TPP2: variants seen among roughly 807,000 people sequenced by gnomAD.
TPP2 encodes the protein tripeptidyl-peptidase 2.
TPP2 carries 34 observed loss-of-function variants against 155.9 expected under a neutral mutation model. The observed-to-expected ratio is 0.22, with a 90% CI of 0.17 to 0.29. The LOEUF is 0.29. Among genes scored for constraint, TPP2 ranks in the 10% least tolerant of loss-of-function variants. The pLI, the probability that TPP2 is intolerant of heterozygous loss-of-function variation, is 1.00. For missense variants in TPP2, 1,028 were observed against 1,522.3 expected (o/e 0.68, Z 5.40); for synonymous variants, 510 against 529.4 (o/e 0.96, Z 0.50).
intron 28 of TPP2, among the ~76,000 whole-genome samples, chr13:102,675,471 A>G (rs1200458373): frequency 6.6e-6 from 1 of 152,226 alleles, no homozygotes; most frequent in Non-Finnish European, 1.5e-5. Flanking sequence ...GCTGTGATGA[A>G]TGAGTATTAA....
At chr13:102,613,086 T>G (rs1299315569) in intron 2 of TPP2, among the ~76,000 whole-genome samples, 1 of 152,220 alleles carries the variant, frequency 6.6e-6, no homozygotes, top group Admixed American at 6.5e-5. Context: ...AGGTTCAGTT[T>G]TGAGTGAAAA....
chr13:102,675,129 C>T (rs576328719), intron 28 of TPP2, among the ~76,000 whole-genome samples: 2 of 152,272 alleles, frequency 1.3e-5, no homozygotes, highest in Admixed American at 1.3e-4. Context: ...ATTCCCCTCG[C>T]GTATCACAGA....
rs1595235149 is a variant in TPP2 at position 102,678,727 on chromosome 13, A to T, written c.*411A>T. On this transcript the variant is annotated 3_prime_UTR_variant, in exon 30 of 30. Coordinates refer to ENST00000376052, the MANE Select transcript of TPP2 (RefSeq NM_001330588.2). ...TTTTCAATTGTATGAAGGCCTTAAA[A>T]AAGCTACATTAAGCGTAGCTAAAAT... is the stretch of plus-strand genomic sequence containing the variant. The T allele has an allele frequency of 6.5e-6, 1 of 153,252 alleles. No individual in the cohort carries two copies. The highest frequency in any genetic ancestry group is 2.4e-5 in the African/African-American group (1 of 41,458). 9.5% of individuals were successfully genotyped at this position (153,252 alleles called of 1,614,324 possible).
intron 14 of TPP2, 30 bp from the exon 15 acceptor site, chr13:102,638,209 A>G (rs1324708926): frequency 6.3e-7 from 1 of 1,592,870 alleles, no homozygotes; most frequent in Non-Finnish European, 8.6e-7. Context: ...TTGTTTATGG[A>G]TATTGACACT....
chr13:102,668,589 G>A (rs1285959705), intron 27 of TPP2, among the ~76,000 whole-genome samples: 1 of 152,156 alleles, frequency 6.6e-6, no homozygotes, highest in Non-Finnish European at 1.5e-5. Context: ...CCCACTGAGG[G>A]TATGTTACCC....
At chr13:102,659,530 A>G (rs574400828) in intron 25 of TPP2, among the ~76,000 whole-genome samples, 2 of 152,352 alleles carry the variant, frequency 1.3e-5, no homozygotes, top group South Asian at 4.1e-4. Context: ...TTCTGAGCAG[A>G]AACAGTAGAG....
chr13:102,646,503 T>G, intron 20 of TPP2, 113 bp downstream of exon 20: 1 of 644,270 alleles, frequency 1.6e-6, no homozygotes, highest in Non-Finnish European at 2.4e-6. Flanking sequence ...AAAAACAGAA[T>G]CAAGTGATTA....
At chr13:102,620,199 G>A (rs1417853704) in intron 5 of TPP2, among the ~76,000 whole-genome samples, 3 of 152,088 alleles carry the variant, frequency 2.0e-5, no homozygotes, top group African/African-American at 7.2e-5. Context: ...AGATTTCCTT[G>A]GTCTTCAAGG....
intron 15 of TPP2, 110 bp from the exon 16 acceptor site, chr13:102,640,160 C>A: frequency 2.4e-6 from 2 of 837,994 alleles, no homozygotes; most frequent in Non-Finnish European, 3.5e-6. Flanking sequence ...GCTTCTAAGT[C>A]CCTGTGTTTA....
chr13:102,629,882 G>C (rs911174836), intron 9 of TPP2, among the ~76,000 whole-genome samples: 17 of 152,180 alleles, frequency 1.1e-4, no homozygotes, highest in African/African-American at 3.9e-4. Flanking sequence ...AAATAATCCT[G>C]GGAGATAGGT....
At chr13:102,664,561 G>A (rs1412775077) in intron 26 of TPP2, among the ~76,000 whole-genome samples, 1 of 152,078 alleles carries the variant, frequency 6.6e-6, no homozygotes, top group Non-Finnish European at 1.5e-5. Context: ...TTGTACTCCA[G>A]CAGGGAATGT....
intron 2 of TPP2, among the ~76,000 whole-genome samples, chr13:102,613,674 T>G (rs1206328345): frequency 6.6e-6 from 1 of 152,246 alleles, no homozygotes; most frequent in Non-Finnish European, 1.5e-5. Context: ...TTTTCAACTT[T>G]CCTCTTGTTC....
At chr13:102,643,080 C>A in intron 16 of TPP2, 142 bp from the exon 17 acceptor site, 1 of 651,490 alleles carries the variant, frequency 1.5e-6, no homozygotes, top group Non-Finnish European at 2.3e-6. Flanking sequence ...TGGAAATATG[C>A]AGATTTGAGT....
At chr13:102,646,515 C>A in intron 20 of TPP2, 125 bp downstream of exon 20, 1 of 596,590 alleles carries the variant, frequency 1.7e-6, no homozygotes, top group Non-Finnish European at 2.7e-6. Context: ...AAGTGATTAA[C>A]AGTTAATTTG....
At chr13:102,633,899 G>GT in intron 10 of TPP2, 51 bp from the exon 11 acceptor site, 1 of 1,609,280 alleles carries the variant, frequency 6.2e-7, no homozygotes, top group South Asian at 1.1e-5. Context: ...AAATGCCCAT[G>GT]TATGTTTAGC....
At chr13:102,647,006 G>A (rs1327079598) in intron 20 of TPP2, among the ~76,000 whole-genome samples, 1 of 152,168 alleles carries the variant, frequency 6.6e-6, no homozygotes, top group East Asian at 1.9e-4. Context: ...ATAGCCAGGT[G>A]TGTATTTTTA....
At chr13:102,618,255 T>C (rs929051819) in intron 4 of TPP2, among the ~76,000 whole-genome samples, 2 of 152,216 alleles carry the variant, frequency 1.3e-5, no homozygotes, top group African/African-American at 2.4e-5. Flanking sequence ...CTAAAAGATA[T>C]AAGATGATTC....
At chr13:102,608,842 T>C (rs1282128121) in intron 2 of TPP2, among the ~76,000 whole-genome samples, 4 of 152,142 alleles carry the variant, frequency 2.6e-5, no homozygotes, top group Non-Finnish European at 5.9e-5. Flanking sequence ...ATGTTAGATA[T>C]TTTGTTTAGG....
chr13:102,673,162 G>A (rs532197098), intron 27 of TPP2, among the ~76,000 whole-genome samples: 2 of 152,298 alleles, frequency 1.3e-5, no homozygotes, highest in African/African-American at 4.8e-5. Context: ...TCCCTGCCAT[G>A]CGGCCTCTTA....
Sources: allele counts gnomAD v4.1 joint callset (sites outside exome capture counted in the v4.1 genomes callset), GRCh38; gene constraint gnomAD v4.1.1; transcripts MANE v1.5; gene names NCBI Gene and HGNC (gene_info 2026-07-23, HGNC 2026-07-21).